The following LARGE1 variants were observed in gnomAD, a reference collection of about 807,000 sequenced individuals.
LARGE1 encodes xylosyl- and glucuronyltransferase LARGE1.
Under a neutral mutation model 87.6 loss-of-function variants are expected in LARGE1, and 43 were observed. The observed-to-expected ratio is 0.49, with a 90% CI of 0.38 to 0.63. The LOEUF is 0.63. Among genes scored for constraint, LARGE1 ranks in the 30% least tolerant of loss-of-function variants. The pLI is 0.00. For synonymous variants in LARGE1, 434 were observed against 394.6 expected, an observed-to-expected ratio of 1.10 and a Z score of -1.18; for missense variants, 802 against 1,000.2, an observed-to-expected ratio of 0.80 and a Z score of 2.67.
rs12169580 is a variant in LARGE1 at position 33,416,555 on chromosome 22, T to G, written c.892+15606A>C. ...CATCTAGTGTTTTGTGTGTTTTTTT[T>G]GGGGGGCGGGGGAGGCAATGGTGGT... On this transcript the variant is annotated intron_variant, in intron 7 of 14. Transcript: ENST00000397394. Among the ~76,000 whole-genome samples the G allele has an allele frequency of 1.1e-3, 164 of 152,074 alleles. No individual in the cohort carries two copies. In the East Asian group the frequency reaches 0.013, roughly 12 times the overall value.
chr22:33,431,273 A>G (rs926189396), intron 7 of LARGE1, among the ~76,000 whole-genome samples: 2 of 152,186 alleles, frequency 1.3e-5, no homozygotes, highest in African/African-American at 4.8e-5. Flanking sequence ...TGCTGCAGCT[A>G]GCATAGGGCC....
At chr22:33,587,675 A>G (rs377490061) in intron 5 of LARGE1, among the ~76,000 whole-genome samples, 2 of 151,714 alleles carry the variant, frequency 1.3e-5, no homozygotes, top group South Asian at 2.1e-4. Context: ...GTTTATTCAG[A>G]ATTTTCCCCT....
intron 2 of LARGE1, among the ~76,000 whole-genome samples, chr22:33,666,276 G>T (rs989113686): frequency 6.6e-5 from 10 of 152,312 alleles, no homozygotes; most frequent in African/African-American, 2.4e-4. Context: ...GGCTGATAAA[G>T]CAGCCCAAGT....
At chr22:33,315,110 G>A (rs1351412708) in intron 11 of LARGE1, among the ~76,000 whole-genome samples, 1 of 152,182 alleles carries the variant, frequency 6.6e-6, no homozygotes, top group Non-Finnish European at 1.5e-5. Flanking sequence ...TCGGGAGGCT[G>A]AGGCAGAAGA....
intron 7 of LARGE1, among the ~76,000 whole-genome samples, chr22:33,395,128 C>T (rs2147251509): frequency 6.7e-6 from 1 of 149,356 alleles, no homozygotes; most frequent in Non-Finnish European, 1.5e-5. Flanking sequence ...ATTTGGGAGG[C>T]TGAGGCAGGA....
chr22:33,437,624 G>A (rs577828453), intron 6 of LARGE1, among the ~76,000 whole-genome samples: 1 of 152,146 alleles, frequency 6.6e-6, no homozygotes, highest in Admixed American at 6.5e-5. Flanking sequence ...CCTACACTCT[G>A]CTCCATCTGC....
intron 11 of LARGE1, among the ~76,000 whole-genome samples, chr22:33,246,826 G>A (rs1926781909): frequency 6.6e-6 from 1 of 152,150 alleles, no homozygotes; most frequent in African/African-American, 2.4e-5. Context: ...ATCACTGAAA[G>A]CCTGTGGCAC....
intron 7 of LARGE1, among the ~76,000 whole-genome samples, chr22:33,402,731 G>A (rs1274767271): frequency 1.3e-5 from 2 of 152,002 alleles, no homozygotes; most frequent in East Asian, 3.8e-4. Flanking sequence ...TATTACCTGG[G>A]GTATATTTTT....
chr22:33,175,794 G>GA (rs1311943196), intron 11 of LARGE1, among the ~76,000 whole-genome samples: 1 of 152,054 alleles, frequency 6.6e-6, no homozygotes, highest in African/African-American at 2.4e-5. Flanking sequence ...CACAGAATTG[G>GA]AAAAAACTAC....
chr22:33,802,724 T>A (rs550784819), intron 1 of LARGE1, among the ~76,000 whole-genome samples: 2 of 152,164 alleles, frequency 1.3e-5, no homozygotes, highest in Non-Finnish European at 2.9e-5. Context: ...CTAGAAAGAA[T>A]TGTGCACTTC....
chr22:33,294,852 G>A (rs552570588), intron 12 of LARGE1, among the ~76,000 whole-genome samples: 6 of 152,282 alleles, frequency 3.9e-5, no homozygotes, highest in Non-Finnish European at 5.9e-5. Context: ...TGCCCTATGC[G>A]GTAGAGAGGA....
intron 1 of LARGE1, among the ~76,000 whole-genome samples, chr22:33,813,853 G>A (rs900230828): frequency 2.6e-5 from 4 of 152,064 alleles, no homozygotes; most frequent in Admixed American, 6.5e-5. Flanking sequence ...AAGAACAAAC[G>A]TCACATTAGA....
chr22:33,124,399 G>T, the LARGE1 span, among the ~76,000 whole-genome samples: 1 of 61,470 alleles, frequency 1.6e-5, no homozygotes, highest in African/African-American at 8.3e-5. Flanking sequence ...GAAGGAAAAT[G>T]ATGGCTCTGA....
At chr22:33,451,661 C>A (rs565040279) in intron 6 of LARGE1, among the ~76,000 whole-genome samples, 1 of 151,608 alleles carries the variant, frequency 6.6e-6, no homozygotes, top group African/African-American at 2.4e-5. Flanking sequence ...CAGGTTCAAG[C>A]GATTTTCCTG....
chr22:33,569,512 G>T (rs190360720), intron 5 of LARGE1, among the ~76,000 whole-genome samples: 6 of 152,354 alleles, frequency 3.9e-5, no homozygotes, highest in Admixed American at 3.9e-4. Flanking sequence ...TTTGTATTCA[G>T]AAAGAAAGCC....
chr22:33,550,142 TACACACAC>T (rs5845093), intron 6 of LARGE1, among the ~76,000 whole-genome samples: 39 of 142,342 alleles, frequency 2.7e-4, no homozygotes, highest in African/African-American at 4.9e-4. Flanking sequence ...ACTTAAAGTA[TACACACAC>T]ACACACACAC....
chr22:33,443,834 C>G (rs1208579017), intron 6 of LARGE1, among the ~76,000 whole-genome samples: 2 of 152,254 alleles, frequency 1.3e-5, no homozygotes, highest in Non-Finnish European at 2.9e-5. Flanking sequence ...CTGCTAGGCT[C>G]TCTTCCAAGG....
intron 11 of LARGE1, among the ~76,000 whole-genome samples, chr22:33,187,824 T>A (rs137399): frequency 0.6 from 89,201 of 147,610 alleles, 27,010 homozygotes; most frequent in Middle Eastern, 0.66. Context: ...CTCGGGAGGC[T>A]GAGGCAGAAG....
chr22:33,378,595 T>C (rs952068611), intron 9 of LARGE1, among the ~76,000 whole-genome samples: 2 of 152,238 alleles, frequency 1.3e-5, no homozygotes, highest in Non-Finnish European at 2.9e-5. Context: ...CAGTTACCTA[T>C]TGAGAAAAAC....
Sources: allele counts gnomAD v4.1 joint callset (sites outside exome capture counted in the v4.1 genomes callset), GRCh38; gene constraint gnomAD v4.1.1; transcripts MANE v1.5; gene names NCBI Gene and HGNC (gene_info 2026-07-23, HGNC 2026-07-21).